Variants in ADAMTS12 observed in about 807,000 individuals in gnomAD.
ADAMTS12 encodes ADAM metallopeptidase with thrombospondin type 1 motif 12.
Under a neutral mutation model 167.8 loss-of-function variants are expected in ADAMTS12, and 118 were observed. The observed-to-expected ratio is 0.70, with a 90% CI of 0.61 to 0.82. ADAMTS12 has a LOEUF of 0.82. ADAMTS12 is among the 40% of genes least tolerant of loss of function. ADAMTS12 has a pLI of 0.00. For missense variants in ADAMTS12, 1,916 were observed against 1,998.8 expected (o/e 0.96, Z 0.79); for synonymous variants, 704 against 716.9 (o/e 0.98, Z 0.29).
chr5:33,882,541 A>T (rs1180260445), intron 1 of ADAMTS12, among the ~76,000 whole-genome samples: 4 of 152,198 alleles, frequency 2.6e-5, no homozygotes, highest in Non-Finnish European at 5.9e-5. Flanking sequence ...GAGGGAATTT[A>T]TCATCACTCT....
chr5:33,545,416 G>A (rs549153851), intron 22 of ADAMTS12, among the ~76,000 whole-genome samples: 1 of 152,296 alleles, frequency 6.6e-6, no homozygotes, highest in East Asian at 1.9e-4. Context: ...GTTGGTGGGA[G>A]TGTAAATTAG....
intron 2 of ADAMTS12, among the ~76,000 whole-genome samples, chr5:33,812,725 C>T (rs574695103): frequency 9.9e-5 from 15 of 152,174 alleles, no homozygotes; most frequent in African/African-American, 3.4e-4. Flanking sequence ...CATTGTTGTG[C>T]ATTATTCTAT....
In ADAMTS12 at chr5:33,835,907, A is replaced by ATCTCTCTCTC. The variant is rs60393220; in HGVS notation, c.489+45202_489+45211dup. Among the ~76,000 whole-genome samples, 147 of 111,528 alleles carry ATCTCTCTCTC rather than the reference A, an allele frequency of 1.3e-3. 1 individual carries two copies. Among genetic ancestry groups the ATCTCTCTCTC allele is most frequent in the African/African-American group, 3.8e-3 (85 of 22,510 alleles). The allele number at this position is 111,528 out of a possible 152,430, so 73.2% of individuals were successfully genotyped here. ...CATGATCAAACTGAGGATAATATCCATCTCTCTCTCTCTCTCTCTCTCTCT... is the reference window on the plus strand; with the variant it reads ...CATGATCAAACTGAGGATAATATCCATCTCTCTCTCTCTCTCTCTCTCTCTCTCTCTCTCT... On this transcript the variant is annotated intron_variant, in intron 2 of 23. Coordinates refer to ENST00000504830, the MANE Select transcript of ADAMTS12 (RefSeq NM_030955.4).
At chr5:33,638,338 C>T (rs1209103150) in intron 11 of ADAMTS12, among the ~76,000 whole-genome samples, 1 of 152,206 alleles carries the variant, frequency 6.6e-6, no homozygotes, top group Non-Finnish European at 1.5e-5. Flanking sequence ...GTTTTAAAAT[C>T]ACTAACAGCA....
rs138520230 is a variant in ADAMTS12, at chr5:33,728,037, G to T, written c.634+23367C>A. Among the ~76,000 whole-genome samples, 140 of 152,246 alleles carry T rather than the reference G, an allele frequency of 9.2e-4. 2 individuals carry two copies. The East Asian group carries it at 0.026, about 28-fold the overall frequency. The stretch of plus-strand genomic sequence containing the variant: ...CAACCCCTCTTATTTTCTAAGGAAA[G>T]GAACAAATATATTAAACAAAAATTG... On this transcript the variant is annotated intron_variant, in intron 3 of 23. Transcript: ENST00000504830.
chr5:33,595,041 G>T lies in ADAMTS12; in HGVS notation c.2654+893C>A, dbSNP rs114111982. Reference sequence around the variant, plus strand: ...TACATCCCTGTTTAAGGTTGCCAGAGAATGAAGACTCTTTCTGGAAATCAA... The same window carrying T: ...TACATCCCTGTTTAAGGTTGCCAGATAATGAAGACTCTTTCTGGAAATCAA... On this transcript the variant is annotated intron_variant, in intron 17 of 23. Coordinates refer to ENST00000504830, the MANE Select transcript of ADAMTS12 (RefSeq NM_030955.4). Among the ~76,000 whole-genome samples, 851 of 152,276 alleles carry T rather than the reference G, an allele frequency of 5.6e-3. 14 individuals are homozygous for T. The highest frequency in any genetic ancestry group is 0.019 in the African/African-American group (789 of 41,554).
Position 33,683,105 on chromosome 5 carries a change from G to A in ADAMTS12, c.832-4C>T. 6.2e-7 allele frequency: 1 copy of A among 1,609,134 alleles called. No homozygotes were observed. The highest frequency in any genetic ancestry group is 8.5e-7 in the Non-Finnish European group (1 of 1,177,144). ...GGTTATGGAACAACCCAGTGACCTAGGGTCAGAAATAGAAAACCATTAGCT... is the reference window on the plus strand; with the variant it reads ...GGTTATGGAACAACCCAGTGACCTAAGGTCAGAAATAGAAAACCATTAGCT... On this transcript the variant is annotated splice_region_variant and splice_polypyrimidine_tract_variant and intron_variant, in intron 4 of 23. Coordinates refer to ENST00000504830, the MANE Select transcript of ADAMTS12 (RefSeq NM_030955.4).
chr5:33,849,168 C>A (rs1255195953), intron 2 of ADAMTS12, among the ~76,000 whole-genome samples: 3 of 70,188 alleles, frequency 4.3e-5, no homozygotes, highest in East Asian at 3.6e-4. Flanking sequence ...ATATGTATTG[C>A]ATAGCAATAT....
chr5:33,644,600 C>T (rs1418373225), intron 9 of ADAMTS12, among the ~76,000 whole-genome samples: 1 of 151,806 alleles, frequency 6.6e-6, no homozygotes. Context: ...TTTTATTATC[C>T]CTATATAAAA....
chr5:33,635,767 C>T (rs1305378149), intron 12 of ADAMTS12, among the ~76,000 whole-genome samples: 1 of 152,168 alleles, frequency 6.6e-6, no homozygotes, highest in Non-Finnish European at 1.5e-5. Flanking sequence ...GTTAACTAAG[C>T]AAATAGCAAC....
chr5:33,763,247 A>T (rs1317451194), intron 2 of ADAMTS12, among the ~76,000 whole-genome samples: 2 of 152,076 alleles, frequency 1.3e-5, no homozygotes, highest in African/African-American at 2.4e-5. Flanking sequence ...AGATGGGGAA[A>T]CTGTCCTGCA....
Position 33,549,133 on chromosome 5 carries a change from A to T in ADAMTS12, c.4302+74T>A, listed in dbSNP as rs1028298333. The T allele has an allele frequency of 7.8e-6, 12 of 1,533,140 alleles. No homozygotes were observed. In the Admixed American group the frequency reaches 1.7e-4, roughly 21 times the overall value. 95.0% of individuals were successfully genotyped at this position (1,533,140 alleles called of 1,614,324 possible). ...AGGTGTGGTCTTCCCTGATTTCTACACTTATGCAGTAACACAGAGATTCAT... is the reference window on the plus strand; with the variant it reads ...AGGTGTGGTCTTCCCTGATTTCTACTCTTATGCAGTAACACAGAGATTCAT... On this transcript the variant is annotated intron_variant, in intron 21 of 23. Coordinates refer to ENST00000504830, the MANE Select transcript of ADAMTS12 (RefSeq NM_030955.4).
chr5:33,823,974 T>C (rs1747963995), intron 2 of ADAMTS12, among the ~76,000 whole-genome samples: 2 of 152,208 alleles, frequency 1.3e-5, no homozygotes, highest in South Asian at 4.1e-4. Context: ...TCAAATCATG[T>C]TATACACCTT....
intron 19 of ADAMTS12, among the ~76,000 whole-genome samples, chr5:33,570,529 T>C (rs1441531485): frequency 7.2e-5 from 11 of 152,172 alleles, no homozygotes; most frequent in East Asian, 5.8e-4. Context: ...TAAAATCCTT[T>C]ACAGACAAGC....
At chr5:33,762,750 A>G (rs1036390716) in intron 2 of ADAMTS12, among the ~76,000 whole-genome samples, 1 of 152,238 alleles carries the variant, frequency 6.6e-6, no homozygotes, top group Non-Finnish European at 1.5e-5. Flanking sequence ...ATTTTTACCT[A>G]TGACATCTTC....
intron 2 of ADAMTS12, among the ~76,000 whole-genome samples, chr5:33,786,337 T>C (rs1341827990): frequency 1.3e-5 from 2 of 152,190 alleles, no homozygotes; most frequent in Non-Finnish European, 2.9e-5. Context: ...TAAAAACATT[T>C]TATAAGAAAA....
chr5:33,656,468 G>A (rs985636300), intron 7 of ADAMTS12, among the ~76,000 whole-genome samples: 2 of 152,174 alleles, frequency 1.3e-5, no homozygotes, highest in Non-Finnish European at 1.5e-5. Flanking sequence ...CAAAAATTGG[G>A]CAACATTGCT....
At chr5:33,824,061 A>G (rs1418519800) in intron 2 of ADAMTS12, among the ~76,000 whole-genome samples, 1 of 152,170 alleles carries the variant, frequency 6.6e-6, no homozygotes, top group Non-Finnish European at 1.5e-5. Context: ...TTAAATTGTT[A>G]AAGAGTCCCA....
At chr5:33,611,474 A>T (rs1738728132) in intron 16 of ADAMTS12, among the ~76,000 whole-genome samples, 2 of 152,188 alleles carry the variant, frequency 1.3e-5, no homozygotes, top group African/African-American at 2.4e-5. Context: ...CAGTAAAACG[A>T]AAATAACACA....
Sources: allele counts gnomAD v4.1 joint callset (sites outside exome capture counted in the v4.1 genomes callset), GRCh38; gene constraint gnomAD v4.1.1; transcripts MANE v1.5; gene names NCBI Gene and HGNC (gene_info 2026-07-23, HGNC 2026-07-21).